The following FHIT variants were observed in gnomAD, a reference collection of about 807,000 sequenced individuals.
FHIT encodes the protein bis(5'-adenosyl)-triphosphatase.
Under a neutral mutation model 17.9 loss-of-function variants are expected in FHIT, and 19 were observed. The ratio of observed to expected loss-of-function variants is 1.06; its 90% CI spans 0.74 to 1.56. The LOEUF is 1.56. Among genes scored for constraint, FHIT ranks in the 40% most tolerant of loss-of-function variants. The pLI, the probability that FHIT is intolerant of heterozygous loss-of-function variation, is 0.00. For synonymous variants in FHIT, 81 were observed against 69.7 expected (o/e 1.16, Z -0.81); for missense variants, 248 against 189.2 (o/e 1.31, Z -1.82).
At chr3:59,902,443 A>G (rs1333298375) in intron 8 of FHIT, among the ~76,000 whole-genome samples, 1 of 152,142 alleles carries the variant, frequency 6.6e-6, no homozygotes, top group East Asian at 1.9e-4. Flanking sequence ...ACTCCTGGAT[A>G]TAGAACCAAA....
intron 3 of FHIT, among the ~76,000 whole-genome samples, chr3:60,924,308 C>A (rs572966260): frequency 2.0e-5 from 3 of 152,176 alleles, no homozygotes; most frequent in African/African-American, 7.2e-5. Flanking sequence ...AGGCACCCCC[C>A]AGTAGGGGCA....
At chr3:60,029,519 G>C (rs929026133) in intron 5 of FHIT, among the ~76,000 whole-genome samples, 2 of 152,178 alleles carry the variant, frequency 1.3e-5, no homozygotes, top group African/African-American at 4.8e-5. Context: ...AGAAAGAGCA[G>C]ACCCGTCGTC....
rs564327587 is a variant in FHIT at position 60,301,495 on chromosome 3, A to G, written c.103+235365T>C. The stretch of plus-strand genomic sequence containing the variant: ...CCATACACATAAACTCTGTTCTAGA[A>G]ACTGCCTAGTTGATCAATTCTGACC... On this transcript the variant is annotated intron_variant, in intron 5 of 9. Transcript: ENST00000492590. Among the ~76,000 whole-genome samples, 33 of 152,282 alleles carry G rather than the reference A, an allele frequency of 2.2e-4. No individual in the cohort carries two copies. The South Asian group carries it at 4.8e-3, about 22-fold the overall frequency.
At chr3:60,795,929 C>A (rs1455423680) in intron 4 of FHIT, among the ~76,000 whole-genome samples, 2 of 152,062 alleles carry the variant, frequency 1.3e-5, no homozygotes, top group Non-Finnish European at 2.9e-5. Context: ...AAGACATACC[C>A]AAGACTGGGA....
chr3:60,664,687 C>T lies in FHIT; in HGVS notation c.-17-127708G>A, dbSNP rs955520829. On this transcript the variant is annotated intron_variant, in intron 4 of 9. Coordinates refer to ENST00000492590, the MANE Select transcript of FHIT (RefSeq NM_002012.4). ...AGGACTAGGCTAGGGCTGTTCATTT[C>T]ATGTTGGCTGAGTTTAGCTAGTTTT... 5.4e-5 allele frequency among the ~76,000 whole-genome samples: 8 copies of T among 147,286 alleles called. No individual in the cohort carries two copies. In the East Asian group the frequency reaches 1.2e-3, roughly 22 times the overall value.
intron 4 of FHIT, among the ~76,000 whole-genome samples, chr3:60,589,202 G>A (rs1396213316): frequency 6.6e-6 from 1 of 152,084 alleles, no homozygotes; most frequent in Non-Finnish European, 1.5e-5. Flanking sequence ...ATAACCCAAT[G>A]TAAGCACAAG....
chr3:60,352,274 G>A (rs4679476), intron 5 of FHIT, among the ~76,000 whole-genome samples: 100,397 of 152,010 alleles, frequency 0.66, 34,092 homozygotes, highest in African/African-American at 0.8. Flanking sequence ...TAAGCACTCA[G>A]TCTGTCAGTG....
intron 3 of FHIT, among the ~76,000 whole-genome samples, chr3:60,938,827 T>C (rs1708295908): frequency 6.6e-6 from 1 of 152,084 alleles, no homozygotes; most frequent in African/African-American, 2.4e-5. Context: ...TTGTGTATTT[T>C]TATCATTGAG....
intron 5 of FHIT, among the ~76,000 whole-genome samples, chr3:60,346,274 A>G (rs1365616753): frequency 6.6e-6 from 1 of 152,220 alleles, no homozygotes; most frequent in African/African-American, 2.4e-5. Flanking sequence ...GCTACCTATA[A>G]GAGTAGTGGA....
chr3:60,554,201 C>T (rs544954369), intron 4 of FHIT, among the ~76,000 whole-genome samples: 11 of 150,872 alleles, frequency 7.3e-5, no homozygotes, highest in South Asian at 2.1e-4. Flanking sequence ...TGATGGAGGC[C>T]GAGATTCGTT....
intron 4 of FHIT, among the ~76,000 whole-genome samples, chr3:60,579,295 A>G (rs1431332443): frequency 6.6e-6 from 1 of 152,188 alleles, no homozygotes; most frequent in Non-Finnish European, 1.5e-5. Flanking sequence ...GCATGTTAAC[A>G]TACTGAATAC....
intron 5 of FHIT, among the ~76,000 whole-genome samples, chr3:60,116,355 C>G (rs1704961886): frequency 6.6e-6 from 1 of 152,162 alleles, no homozygotes; most frequent in Admixed American, 6.5e-5. Flanking sequence ...TCTCATGGAA[C>G]AGTGGCACAA....
At chr3:60,319,178 G>A (rs1709303867) in intron 5 of FHIT, among the ~76,000 whole-genome samples, 1 of 152,066 alleles carries the variant, frequency 6.6e-6, no homozygotes, top group Non-Finnish European at 1.5e-5. Flanking sequence ...ATTAGGACAT[G>A]GACATACTTG....
rs2035524851 is a variant in FHIT, at chr3:61,092,745, T to C, written c.-163-50646A>G. On this transcript the variant is annotated intron_variant, in intron 2 of 9. Transcript: ENST00000492590. ...TTCAATAAGATGATATTTATGCTCA[T>C]AAATTAGGGTCAAAGGCAACATTTT... Among the ~76,000 whole-genome samples the C allele has an allele frequency of 3.3e-5, 5 of 152,320 alleles. No individual in the cohort carries two copies. In the South Asian group the frequency reaches 1.0e-3, roughly 32 times the overall value.
intron 5 of FHIT, among the ~76,000 whole-genome samples, chr3:60,112,706 T>C (rs3887229): frequency 0.074 from 11,276 of 152,228 alleles, 590 homozygotes; most frequent in Admixed American, 0.12. Flanking sequence ...TGAATGAGGA[T>C]AGAATGGAAA....
intron 4 of FHIT, among the ~76,000 whole-genome samples, chr3:60,654,038 G>A (rs564987740): frequency 6.6e-6 from 1 of 152,084 alleles, no homozygotes; most frequent in Non-Finnish European, 1.5e-5. Flanking sequence ...ATGAGATCTG[G>A]TGGTTTAAAA....
At chr3:60,685,297 T>C (rs1559638914) in intron 4 of FHIT, among the ~76,000 whole-genome samples, 1 of 152,196 alleles carries the variant, frequency 6.6e-6, no homozygotes, top group South Asian at 2.1e-4. Context: ...ATCTGCCTTA[T>C]GTCAATTCAA....
intron 5 of FHIT, among the ~76,000 whole-genome samples, chr3:60,394,952 G>T (rs1036484582): frequency 6.6e-6 from 1 of 152,124 alleles, no homozygotes; most frequent in African/African-American, 2.4e-5. Context: ...AGAAATGTGG[G>T]GAAAAGAGCT....
intron 3 of FHIT, among the ~76,000 whole-genome samples, chr3:60,881,482 T>C (rs1240323115): frequency 1.3e-5 from 2 of 152,136 alleles, no homozygotes; most frequent in African/African-American, 4.8e-5. Context: ...GCAGAATACA[T>C]ATTATTTTCA....
Sources: allele counts gnomAD v4.1 joint callset (sites outside exome capture counted in the v4.1 genomes callset), GRCh38; gene constraint gnomAD v4.1.1; transcripts MANE v1.5; gene names NCBI Gene and HGNC (gene_info 2026-07-23, HGNC 2026-07-21).